Variants in BLNK observed in about 807,000 individuals in gnomAD.
BLNK encodes the protein B-cell linker protein.
BLNK carries 29 observed loss-of-function variants against 73.5 expected under a neutral mutation model. That is an observed-to-expected ratio of 0.39 (90% CI 0.29 to 0.54). The LOEUF (loss-of-function observed/expected upper bound fraction) is 0.54. BLNK is among the 20% of genes least tolerant of loss of function. BLNK has a pLI of 0.61. For missense variants in BLNK, 460 were observed against 562.8 expected, an observed-to-expected ratio of 0.82 and a Z score of 1.85; for synonymous variants, 176 against 200.8, an observed-to-expected ratio of 0.88 and a Z score of 1.04.
chr10:96,255,796 A>G (rs1421097218), intron 1 of BLNK, among the ~76,000 whole-genome samples: 1 of 152,084 alleles, frequency 6.6e-6, no homozygotes, highest in East Asian at 1.9e-4. Context: ...GGGCCCTCCC[A>G]TCCATGCTGT....
At chr10:96,270,770 C>G (rs1057064994) in intron 1 of BLNK, among the ~76,000 whole-genome samples, 31 of 152,168 alleles carry the variant, frequency 2.0e-4, no homozygotes, top group African/African-American at 6.5e-4. Context: ...AGCTCCTTGA[C>G]TCACGCCCAT....
chr10:96,210,125 G>C, intron 8 of BLNK: 1 of 610,038 alleles, frequency 1.6e-6, no homozygotes. Context: ...TCAGAGCTGG[G>C]ATGGGGGTTA....
At chr10:96,198,476 A>T (rs896745493) in intron 15 of BLNK, among the ~76,000 whole-genome samples, 36 of 152,346 alleles carry the variant, frequency 2.4e-4, no homozygotes, top group African/African-American at 7.9e-4. Context: ...TTCTGGTAAA[A>T]TGATTAGACT....
Position 96,191,088 on chromosome 10 carries a change from T to C in BLNK, c.*885A>G, listed in dbSNP as rs1391306436. Among the ~76,000 whole-genome samples the C allele has an allele frequency of 2.6e-5, 4 of 152,140 alleles. No homozygotes were observed. The highest frequency in any genetic ancestry group is 7.2e-5 in the African/African-American group (3 of 41,436). ...TTGTTGTGATAGTGAGTAAGTCTCA[T>C]GAGATCTGATGGTTTTATAAAGGGC... is the stretch of plus-strand genomic sequence containing the variant. On this transcript the variant is annotated 3_prime_UTR_variant, in exon 17 of 17. Coordinates refer to ENST00000224337, the MANE Select transcript of BLNK (RefSeq NM_013314.4).
At chr10:96,250,197 G>A (rs1225330068) in intron 1 of BLNK, among the ~76,000 whole-genome samples, 1 of 152,190 alleles carries the variant, frequency 6.6e-6, no homozygotes, top group Non-Finnish European at 1.5e-5. Flanking sequence ...AAGAGAAAAG[G>A]ATGGTTGAGA....
chr10:96,264,061 A>G (rs1843881514), intron 1 of BLNK, among the ~76,000 whole-genome samples: 1 of 152,166 alleles, frequency 6.6e-6, no homozygotes, highest in African/African-American at 2.4e-5. Flanking sequence ...CATACTCTAA[A>G]TTCCTAATAA....
chr10:96,235,183 G>T (rs908795119), intron 3 of BLNK, among the ~76,000 whole-genome samples: 1 of 152,216 alleles, frequency 6.6e-6, no homozygotes, highest in African/African-American at 2.4e-5. Context: ...TCCTTATTCT[G>T]CCATTTTCTA....
At position 96,269,420 on chromosome 10, in the gene BLNK, AC is replaced by A. The variant is rs376894466; in HGVS notation, c.47+1931del. On this transcript the variant is annotated intron_variant, in intron 1 of 16. Transcript: ENST00000224337. ...TCTACATTATGGAATATGTCTGAAA[AC>A]AAAAAAAAAAAAACATTTGGAATCC... is the stretch of plus-strand genomic sequence containing the variant. 6.8e-3 allele frequency among the ~76,000 whole-genome samples: 965 copies of A among 141,138 alleles called. 10 individuals carry two copies. The highest frequency in any genetic ancestry group is 0.024 in the Middle Eastern group (7 of 288). The allele number at this position is 141,138 out of a possible 152,430, so 92.6% of individuals were successfully genotyped here. A position where few individuals can be genotyped will look rare whatever the true frequency, so the allele number is the denominator to read the frequency against.
chr10:96,213,792 G>A lies in BLNK; in HGVS notation c.676+1529C>T, dbSNP rs116844749. Among the ~76,000 whole-genome samples the A allele has an allele frequency of 3.9e-5, 6 of 152,130 alleles. No homozygotes were observed. In the East Asian group the frequency reaches 1.2e-3, roughly 29 times the overall value. Reference sequence around the variant, plus strand: ...CAACAGCCCTCATCCTGAGTTATCGGGAGTTAGGAGTCTCCATTTCTGCTG... The same window carrying A: ...CAACAGCCCTCATCCTGAGTTATCGAGAGTTAGGAGTCTCCATTTCTGCTG... On this transcript the variant is annotated intron_variant, in intron 8 of 16. Transcript: ENST00000224337.
chr10:96,263,500 C>T (rs1292345581), intron 1 of BLNK, among the ~76,000 whole-genome samples: 1 of 152,214 alleles, frequency 6.6e-6, no homozygotes, highest in East Asian at 1.9e-4. Flanking sequence ...AATAGCCATG[C>T]TGGGCTGAGG....
chr10:96,212,726 T>A (rs1435037706), intron 8 of BLNK, among the ~76,000 whole-genome samples: 1 of 152,208 alleles, frequency 6.6e-6, no homozygotes, highest in African/African-American at 2.4e-5. Flanking sequence ...AAACACCAAC[T>A]AGGCACCTGA....
intron 1 of BLNK, among the ~76,000 whole-genome samples, chr10:96,257,320 T>C (rs1460215233): frequency 6.6e-6 from 1 of 152,054 alleles, no homozygotes; most frequent in Non-Finnish European, 1.5e-5. Flanking sequence ...GGTGGAAGAA[T>C]GGAGGAGGAT....
chr10:96,228,255 G>A (rs1375721414), intron 4 of BLNK, among the ~76,000 whole-genome samples: 2 of 151,700 alleles, frequency 1.3e-5, no homozygotes, highest in African/African-American at 2.4e-5. Context: ...ATGCACCACC[G>A]TGCCTGGCTA....
chr10:96,199,996 C>T lies in BLNK; in HGVS notation c.1095+79G>A, dbSNP rs587735263. The T allele has an allele frequency of 1.3e-4, 139 of 1,064,092 alleles. No homozygotes were observed. In the African/African-American group the frequency reaches 2.2e-3, roughly 17 times the overall value. 65.9% of individuals were successfully genotyped at this position (1,064,092 alleles called of 1,614,324 possible). A position where few individuals can be genotyped will look rare whatever the true frequency, so the allele number is the denominator to read the frequency against. ...TGAGCTGAGATCGAGCCACTGCACT[C>T]CAGTGAAACTGCATCATCTCAAAAC... On this transcript the variant is annotated intron_variant, in intron 15 of 16. Transcript: ENST00000224337.
chr10:96,194,959 CGG>C (rs1342806107), intron 16 of BLNK, among the ~76,000 whole-genome samples: 2 of 150,926 alleles, frequency 1.3e-5, no homozygotes, highest in Non-Finnish European at 3.0e-5. Context: ...TTAGTAGAGA[CGG>C]GGTTTCACCG....
chr10:96,261,122 G>A (rs1554912687), intron 1 of BLNK, among the ~76,000 whole-genome samples: 1 of 152,082 alleles, frequency 6.6e-6, no homozygotes. Context: ...TGGGATTACA[G>A]GTATGAGCTA....
intron 1 of BLNK, among the ~76,000 whole-genome samples, chr10:96,258,723 A>G (rs1337724134): frequency 6.6e-6 from 1 of 152,202 alleles, no homozygotes; most frequent in African/African-American, 2.4e-5. Flanking sequence ...GCCAGTGATC[A>G]GACTTGGAAA....
chr10:96,228,914 A>AT lies in BLNK; in HGVS notation c.205-1349dup, dbSNP rs587689061. Reference sequence around the variant, plus strand: ...TTCATAAGCAATTTTATATAGCAGGATTTTTTTTCCTGTTGGTCTTTAAAA... The same window carrying AT: ...TTCATAAGCAATTTTATATAGCAGGATTTTTTTTTCCTGTTGGTCTTTAAAA... On this transcript the variant is annotated intron_variant, in intron 4 of 16. Coordinates refer to ENST00000224337, the MANE Select transcript of BLNK (RefSeq NM_013314.4). Among the ~76,000 whole-genome samples, 47 of 151,438 alleles carry AT rather than the reference A, an allele frequency of 3.1e-4. 1 individual carries two copies. The highest frequency in any genetic ancestry group is 6.8e-3 in the Middle Eastern group (2 of 294).
At position 96,204,046 on chromosome 10, in the gene BLNK, G is replaced by T; in HGVS notation, c.934+11C>A. 1 of 1,611,626 alleles carries T rather than the reference G, an allele frequency of 6.2e-7. No homozygotes were observed. The highest frequency in any genetic ancestry group is 8.5e-7 in the Non-Finnish European group (1 of 1,177,780). On this transcript the variant is annotated intron_variant, in intron 13 of 16. Transcript: ENST00000224337. ...ACTCCCTGATACACTACATGGCTTC[G>T]TTGTACTTACTTGGCAGAGGTATGG... is the stretch of plus-strand genomic sequence containing the variant.
Sources: allele counts gnomAD v4.1 joint callset (sites outside exome capture counted in the v4.1 genomes callset), GRCh38; gene constraint gnomAD v4.1.1; transcripts MANE v1.5; gene names NCBI Gene and HGNC (gene_info 2026-07-23, HGNC 2026-07-21).